The following ZFHX4 variants were observed in gnomAD, a reference collection of about 807,000 sequenced individuals.
ZFHX4 encodes the protein zinc finger homeobox 4.
In ZFHX4, 56 loss-of-function variants were observed where a neutral mutation model predicts 267.6. The ratio of observed to expected loss-of-function variants is 0.21; its 90% CI spans 0.17 to 0.26. ZFHX4 has a LOEUF of 0.26. ZFHX4 is among the 10% of genes least tolerant of loss of function. ZFHX4 has a pLI of 1.00. For synonymous variants in ZFHX4, 1,778 were observed against 1,665.6 expected (o/e 1.07, Z -1.64); for missense variants, 4,332 against 4,420.0 (o/e 0.98, Z 0.56).
intron 3 of ZFHX4, among the ~76,000 whole-genome samples, chr8:76,772,269 T>G (rs1388893154): frequency 1.3e-5 from 2 of 152,108 alleles, no homozygotes; most frequent in East Asian, 3.9e-4. Context: ...ATTTGTTGAA[T>G]TTTGGTTGCC....
At chr8:76,745,150 T>C (rs1809426499) in intron 3 of ZFHX4, among the ~76,000 whole-genome samples, 1 of 152,164 alleles carries the variant, frequency 6.6e-6, no homozygotes, top group Non-Finnish European at 1.5e-5. Flanking sequence ...AAATCAGCTC[T>C]GCTGGAGCAC....
At position 76,851,934 on chromosome 8, in the gene ZFHX4, T is replaced by C. The variant is rs747503027; in HGVS notation, c.5013T>C (p.Asn1671=). The C allele has an allele frequency of 5.0e-6, 8 of 1,613,826 alleles. No homozygotes were observed. The African/African-American group carries it at 9.3e-5, about 19-fold the overall frequency. ...KDTHLDAKEL[N]KKQTPDLISA... ...CCCATTTAGATGCCAAAGAATTAAA[T>C]AAAAAGCAAACTCCTGATTTAATCT... The change falls in exon 10 of 11, where the codon AAT becomes AAC. Residue 1671 remains asparagine, a synonymous_variant. Transcript: ENST00000651372.
chr8:76,811,247 C>T (rs1484560197), intron 4 of ZFHX4, among the ~76,000 whole-genome samples: 1 of 152,144 alleles, frequency 6.6e-6, no homozygotes, highest in Non-Finnish European at 1.5e-5. Context: ...CTTAGGGCCC[C>T]TGCTGGTATT....
intron 3 of ZFHX4, among the ~76,000 whole-genome samples, chr8:76,753,531 CT>C (rs1162564543): frequency 6.6e-6 from 1 of 151,962 alleles, no homozygotes; most frequent in Non-Finnish European, 1.5e-5. Context: ...CTCTCTGCCC[CT>C]GTCTTCTTGC....
At chr8:76,796,504 G>A (rs1291647147) in intron 4 of ZFHX4, among the ~76,000 whole-genome samples, 11 of 152,154 alleles carry the variant, frequency 7.2e-5, no homozygotes, top group Admixed American at 6.5e-4. Context: ...GTCTTTAAAT[G>A]TATGCCAAGA....
chr8:76,799,865 G>A (rs1300887075), intron 4 of ZFHX4, among the ~76,000 whole-genome samples: 1 of 152,164 alleles, frequency 6.6e-6, no homozygotes, highest in Non-Finnish European at 1.5e-5. Flanking sequence ...CATACTGGCT[G>A]TATACCTCCC....
intron 3 of ZFHX4, among the ~76,000 whole-genome samples, chr8:76,718,536 T>C (rs910546875): frequency 3.3e-5 from 5 of 152,286 alleles, no homozygotes; most frequent in Non-Finnish European, 5.9e-5. Context: ...TACTCCCCAG[T>C]TTCATAACTG....
intron 4 of ZFHX4, among the ~76,000 whole-genome samples, chr8:76,820,537 G>T (rs557550207): frequency 1.3e-3 from 199 of 152,286 alleles, no homozygotes; most frequent in African/African-American, 4.5e-3. Context: ...TAATGGGTGT[G>T]TGGAAAAGAG....
Position 76,815,527 on chromosome 8 carries a change from G to T in ZFHX4, c.3326-17811G>T, listed in dbSNP as rs180997790. Among the ~76,000 whole-genome samples, 36 of 152,070 alleles carry T rather than the reference G, an allele frequency of 2.4e-4. 1 individual carries two copies. The highest frequency in any genetic ancestry group is 3.7e-4 in the Non-Finnish European group (25 of 67,970). On this transcript the variant is annotated intron_variant, in intron 4 of 10. Transcript: ENST00000651372. ...ATTTATTTATTTATTTTTGAGACAAGGTCTTGCTTTATTGCCCAGGCTGGA... is the reference window on the plus strand; with the variant it reads ...ATTTATTTATTTATTTTTGAGACAATGTCTTGCTTTATTGCCCAGGCTGGA...
At chr8:76,716,872 A>T (rs1808589516) in intron 3 of ZFHX4, among the ~76,000 whole-genome samples, 2 of 152,124 alleles carry the variant, frequency 1.3e-5, no homozygotes, top group South Asian at 4.1e-4. Context: ...AATAGAAAGG[A>T]CTAATAGAAT....
In ZFHX4 at chr8:76,707,536, T is replaced by A; in HGVS notation, c.2591-10T>A. ...TCTCTATTTTTCCTTTTAATTTTTT[T>A]TTCCTGTAGTAAATAATGAGCTGCC... On this transcript the variant is annotated splice_polypyrimidine_tract_variant and intron_variant, in intron 2 of 10. Coordinates refer to ENST00000651372, the MANE Select transcript of ZFHX4 (RefSeq NM_024721.5). 6.6e-7 allele frequency: 1 copy of A among 1,511,696 alleles called. No homozygotes were observed. The highest frequency in any genetic ancestry group is 8.8e-7 in the Non-Finnish European group (1 of 1,131,000). 93.6% of individuals were successfully genotyped at this position (1,511,696 alleles called of 1,614,324 possible).
chr8:76,780,513 T>C (rs2733722), intron 4 of ZFHX4, among the ~76,000 whole-genome samples: 126,433 of 152,138 alleles, frequency 0.83, 53,075 homozygotes, highest in African/African-American at 0.95. Context: ...TGCTAATGCT[T>C]TTTGGTTTAG....
At chr8:76,794,546 C>T (rs1810921719) in intron 4 of ZFHX4, among the ~76,000 whole-genome samples, 1 of 152,214 alleles carries the variant, frequency 6.6e-6, no homozygotes, top group East Asian at 1.9e-4. Context: ...ATGAACAGTA[C>T]TAGAATCAGA....
intron 8 of ZFHX4, chr8:76,849,984 T>C: frequency 1.7e-6 from 1 of 572,098 alleles, no homozygotes. Context: ...AGTGGGCACC[T>C]TGCATTTCAA....
chr8:76,693,151 A>C (rs1050020086), intron 1 of ZFHX4, among the ~76,000 whole-genome samples: 3 of 152,194 alleles, frequency 2.0e-5, no homozygotes, highest in African/African-American at 7.2e-5. Context: ...ACTATTGGCA[A>C]ATCTTTGGTG....
chr8:76,846,443 T>G (rs1048968755), intron 6 of ZFHX4, among the ~76,000 whole-genome samples: 2 of 152,066 alleles, frequency 1.3e-5, no homozygotes, highest in East Asian at 1.9e-4. Context: ...TTAAGTTAAT[T>G]AGCCAGAAAA....
intron 6 of ZFHX4, among the ~76,000 whole-genome samples, chr8:76,848,009 T>G (rs543131078): frequency 6.6e-6 from 1 of 152,290 alleles, no homozygotes; most frequent in South Asian, 2.1e-4. Context: ...GTCCTCACCC[T>G]GGAAATAATT....
At chr8:76,777,359 G>A (rs1030694506) in intron 3 of ZFHX4, among the ~76,000 whole-genome samples, 1 of 152,082 alleles carries the variant, frequency 6.6e-6, no homozygotes, top group Non-Finnish European at 1.5e-5. Context: ...CAGAGCTTGC[G>A]AAACAGATTT....
In ZFHX4 at chr8:76,855,823, C is replaced by T; in HGVS notation, c.8902C>T (p.Leu2968=). 6.2e-7 allele frequency: 1 copy of T among 1,613,906 alleles called. No individual in the cohort carries two copies. Among genetic ancestry groups the T allele is most frequent in the Non-Finnish European group, 8.5e-7 (1 of 1,179,862 alleles). ...TGAAATGTTAGGGAATGAGATTGGT[C>T]TGCCCAAACGCGTAGTCCAGGTGTG... ...ECEMLGNEIG[L]PKRVVQVWFQ... Residue 2968 remains leucine, a synonymous_variant, in exon 10 of 11, where the codon CTG becomes TTG. Transcript: ENST00000651372.
Sources: gnomAD v4.1 joint callset for allele counts (sites outside exome capture counted in the v4.1 genomes callset) on GRCh38, gnomAD v4.1.1 for gene constraint, MANE v1.5 for transcripts, NCBI Gene and HGNC (gene_info 2026-07-23, HGNC 2026-07-21) for gene names.